The following PPP2R1A variants were observed in gnomAD, a reference collection of about 807,000 sequenced individuals.
PPP2R1A encodes the protein serine/threonine-protein phosphatase 2A 65 kDa regulatory subunit A alpha isoform.
A neutral mutation model predicts 67.1 loss-of-function variants in PPP2R1A; 15 were observed. The observed-to-expected ratio is 0.22, with a 90% confidence interval of 0.15 to 0.34. The LOEUF is 0.34. PPP2R1A is among the 10% of genes least tolerant of loss of function. The pLI, the probability that PPP2R1A is intolerant of heterozygous loss-of-function variation, is 1.00. For missense variants in PPP2R1A, 369 were observed against 775.0 expected, an observed-to-expected ratio of 0.48 and a Z score of 6.22; for synonymous variants, 337 against 325.0, an observed-to-expected ratio of 1.04 and a Z score of -0.40.
rs113431515 is a variant in PPP2R1A at position 52,215,480 on chromosome 19, A to G, written c.808-299A>G. On this transcript the variant is annotated intron_variant, in intron 6 of 14. Transcript: ENST00000322088. Reference sequence around the variant, plus strand: ...TCATTTGAATGTTTTTGAATCAGGTAACAGAAAACTTAACCTCAGTAGCCT... The same window carrying G: ...TCATTTGAATGTTTTTGAATCAGGTGACAGAAAACTTAACCTCAGTAGCCT... Among the ~76,000 whole-genome samples the G allele has an allele frequency of 6.7e-3, 1,020 of 152,348 alleles. 13 individuals carry two copies. The highest frequency in any genetic ancestry group is 0.023 in the African/African-American group (969 of 41,566).
At chr19:52,200,547 T>C (rs1287601164) in intron 1 of PPP2R1A, 1 of 152,232 alleles carries the variant, frequency 6.6e-6, no homozygotes, top group Non-Finnish European at 1.5e-5. Context: ...TAGCCAAATA[T>C]AATAGTTCTC....
Position 52,213,455 on chromosome 19 carries a change from G to GTTTTTTTT in PPP2R1A, c.807+346_807+347insTTTTTTTT. Among the ~76,000 whole-genome samples the GTTTTTTTT allele has an allele frequency of 8.9e-6, 1 of 112,978 alleles. No homozygotes were observed. The highest frequency in any genetic ancestry group is 9.0e-5 in the Admixed American group (1 of 11,104). 74.1% of individuals were successfully genotyped at this position (112,978 alleles called of 152,430 possible). A position where few individuals can be genotyped will look rare whatever the true frequency, so the allele number is the denominator to read the frequency against. On this transcript the variant is annotated intron_variant, in intron 6 of 14. Transcript: ENST00000322088. This position sits in a 1 kb window ranked among gnomAD's most constrained non-coding sequence, Gnocchi z 4.2. ...CAGCCCAAAAAGGTGGGGTTTTTTG[G>GTTTTTTTT]TGTTTTTTTTTTTTTTTTTTTTTTT...
In PPP2R1A at chr19:52,213,057, G is replaced by A. The variant is rs1369485535; in HGVS notation, c.754G>A (p.Ala252Thr). ...GGTGATGCCCACTCTGCGCCAGGCC[G>A]CTGAAGACAAGTCCTGGCGCGTCCG... ...ALVMPTLRQA[A>T]EDKSWRVRYM... Residue 252 changes from alanine (A) to threonine (T), a missense_variant, in exon 6 of 15, where the codon GCT becomes ACT. Transcript: ENST00000322088. The surrounding 1 kb of genome is among the most constrained non-coding windows in gnomAD (Gnocchi z 4.2). The A allele has an allele frequency of 1.1e-5, 18 of 1,608,910 alleles. No homozygotes were observed. Among genetic ancestry groups the A allele is most frequent in the East Asian group, 2.2e-5 (1 of 44,844 alleles).
At chr19:52,202,279 AC>A (rs2089557420) in intron 2 of PPP2R1A, among the ~76,000 whole-genome samples, 1 of 101,878 alleles carries the variant, frequency 9.8e-6, no homozygotes, top group Non-Finnish European at 2.3e-5. Context: ...TGCAGCTCCA[AC>A]AGTTGGAAGC....
At chr19:52,200,395 T>G (rs2089535926) in intron 1 of PPP2R1A, 1 of 152,222 alleles carries the variant, frequency 6.6e-6, no homozygotes, top group South Asian at 2.1e-4. Context: ...CGGTGCTTGC[T>G]TTGGTAGGTG....
At chr19:52,223,583 C>T (rs1291332781) in intron 13 of PPP2R1A, among the ~76,000 whole-genome samples, 2 of 152,150 alleles carry the variant, frequency 1.3e-5, no homozygotes, top group African/African-American at 2.4e-5. Context: ...AAAAGGATCT[C>T]CAAATAGCCA....
chr19:52,201,342 C>A (rs2089546430), intron 1 of PPP2R1A: 1 of 152,266 alleles, frequency 6.6e-6, no homozygotes, highest in African/African-American at 2.4e-5. Context: ...GAGTCTCACT[C>A]TGTTGCCCAG....
At chr19:52,208,731 C>T (rs1334246567) in intron 3 of PPP2R1A, among the ~76,000 whole-genome samples, 5 of 151,738 alleles carry the variant, frequency 3.3e-5, no homozygotes, top group Admixed American at 3.3e-4. Context: ...AACTCCTGGC[C>T]TCAAATGATC....
chr19:52,216,397 C>G lies in PPP2R1A; in HGVS notation c.994-132C>G. On this transcript the variant is annotated intron_variant, in intron 8 of 14. Transcript: ENST00000322088. The surrounding 1 kb of genome is among the most constrained non-coding windows in gnomAD (Gnocchi z 4.3). ...AAGGAATAGTGATTTCCCCTGTACC[C>G]TAAGCCATCCCCTGCTCTATGAATG... 8.0e-7 allele frequency: 1 copy of G among 1,243,064 alleles called. No homozygotes were observed. Among genetic ancestry groups the G allele is most frequent in the East Asian group, 2.5e-5 (1 of 39,634 alleles). The allele number at this position is 1,243,064 out of a possible 1,614,324, so 77.0% of individuals were successfully genotyped here. A position where few individuals can be genotyped will look rare whatever the true frequency, so the allele number is the denominator to read the frequency against.
At chr19:52,197,695 A>G (rs1010964039) in intron 1 of PPP2R1A, among the ~76,000 whole-genome samples, 1 of 152,192 alleles carries the variant, frequency 6.6e-6, no homozygotes, top group African/African-American at 2.4e-5. Context: ...CAAGCACAAC[A>G]AAAAAGAAAA....
intron 1 of PPP2R1A, among the ~76,000 whole-genome samples, chr19:52,195,348 A>G (rs1000337722): frequency 2.6e-5 from 4 of 152,158 alleles, no homozygotes; most frequent in Non-Finnish European, 4.4e-5. Flanking sequence ...TCTCTCACTT[A>G]ACACAACAAT....
At chr19:52,224,744 G>T (rs1451153535) in intron 13 of PPP2R1A, among the ~76,000 whole-genome samples, 1 of 152,206 alleles carries the variant, frequency 6.6e-6, no homozygotes, top group Non-Finnish European at 1.5e-5. Context: ...CTGTCGCCCA[G>T]ACTGGAGTAC....
At chr19:52,222,906 CACGGATGGG>C (rs573870504) in intron 13 of PPP2R1A, among the ~76,000 whole-genome samples, 32 of 152,328 alleles carry the variant, frequency 2.1e-4, no homozygotes, top group Non-Finnish European at 2.5e-4. Flanking sequence ...ACATAATATT[CACGGATGGG>C]ACAGTTCCCT....
At chr19:52,200,795 C>A (rs145676720) in intron 1 of PPP2R1A, among the ~76,000 whole-genome samples, 2 of 149,348 alleles carry the variant, frequency 1.3e-5, no homozygotes, top group Non-Finnish European at 1.5e-5. Context: ...CCCATCTTCA[C>A]ATGCGTGCCT....
intron 9 of PPP2R1A, among the ~76,000 whole-genome samples, chr19:52,218,783 T>C (rs965674638): frequency 1.3e-5 from 2 of 152,162 alleles, no homozygotes; most frequent in Non-Finnish European, 2.9e-5. Context: ...GGCAAGCCCA[T>C]ACGTGCTGCA....
chr19:52,212,465 A>G lies in PPP2R1A; in HGVS notation c.504-221A>G. 1.8e-6 allele frequency: 1 copy of G among 566,482 alleles called. No homozygotes were observed. The highest frequency in any genetic ancestry group is 3.1e-6 in the Non-Finnish European group (1 of 322,630). The allele number at this position is 566,482 out of a possible 1,614,324, so 35.1% of individuals were successfully genotyped here. A position where few individuals can be genotyped will look rare whatever the true frequency, so the allele number is the denominator to read the frequency against. ...TAGATTTATTATGCGCAATCTGCGA[A>G]GTGTCTCACACACACTATTTTCATT... is the stretch of plus-strand genomic sequence containing the variant. On this transcript the variant is annotated intron_variant, in intron 4 of 14. Transcript: ENST00000322088. The surrounding 1 kb of genome is among the most constrained non-coding windows in gnomAD (Gnocchi z 4.1).
In PPP2R1A at chr19:52,216,116, C is replaced by T. The variant is rs370161365; in HGVS notation, c.993+42C>T. Reference sequence around the variant, plus strand: ...TGGGAGGAACCAAGTGGATCCGAGCCTGCCAAAAAGAGGGGCTGGAGACAA... The same window carrying T: ...TGGGAGGAACCAAGTGGATCCGAGCTTGCCAAAAAGAGGGGCTGGAGACAA... On this transcript the variant is annotated intron_variant, in intron 8 of 14. Transcript: ENST00000322088. This position sits in a 1 kb window ranked among gnomAD's most constrained non-coding sequence, Gnocchi z 4.3. 2.0e-5 allele frequency: 32 copies of T among 1,581,330 alleles called. No homozygotes were observed. The highest frequency in any genetic ancestry group is 2.8e-5 in the Non-Finnish European group (32 of 1,150,836).
rs766418997 is a variant in PPP2R1A at position 52,222,043 on chromosome 19, A to G, written c.1519-56A>G. ...AGTGGCCTGGTCAGAGGCAGCAGGA[A>G]ATGAGAGTTAGCCAGGAGCTTTGCA... On this transcript the variant is annotated intron_variant, in intron 12 of 14. Transcript: ENST00000322088. 35 of 1,517,356 alleles carry G rather than the reference A, an allele frequency of 2.3e-5. 2 individuals carry two copies. The East Asian group carries it at 5.1e-4, about 22-fold the overall frequency. The allele number at this position is 1,517,356 out of a possible 1,614,324, so 94.0% of individuals were successfully genotyped here. A position where few individuals can be genotyped will look rare whatever the true frequency, so the allele number is the denominator to read the frequency against.
intron 3 of PPP2R1A, among the ~76,000 whole-genome samples, chr19:52,209,627 T>C (rs1463771834): frequency 6.6e-6 from 1 of 152,138 alleles, no homozygotes; most frequent in Non-Finnish European, 1.5e-5. Context: ...TCCAGAATTT[T>C]TCACCTCCTC....
Sources: allele counts gnomAD v4.1 joint callset (sites outside exome capture counted in the v4.1 genomes callset), GRCh38; gene constraint gnomAD v4.1.1; non-coding constraint Gnocchi (gnomAD v3.1); transcripts MANE v1.5; gene names NCBI Gene and HGNC (gene_info 2026-07-23, HGNC 2026-07-21).